Variants in GRM5 observed in about 807,000 individuals in gnomAD.
GRM5 encodes the protein metabotropic glutamate receptor 5.
Under a neutral mutation model 83.1 loss-of-function variants are expected in GRM5, and 19 were observed. The ratio of observed to expected loss-of-function variants is 0.23; its 90% CI spans 0.16 to 0.34. The LOEUF is 0.34. GRM5 is among the 10% of genes least tolerant of loss of function. The pLI is 1.00. For synonymous variants in GRM5, 675 were observed against 633.6 expected, an observed-to-expected ratio of 1.07 and a Z score of -0.98; for missense variants, 1,160 against 1,588.3, an observed-to-expected ratio of 0.73 and a Z score of 4.58.
intron 2 of GRM5, among the ~76,000 whole-genome samples, chr11:89,002,955 T>C (rs1452800389): frequency 1.3e-5 from 2 of 151,732 alleles, no homozygotes; most frequent in South Asian, 2.1e-4. Flanking sequence ...TTAGGGTTCA[T>C]TTACTTTTCT....
intron 3 of GRM5, among the ~76,000 whole-genome samples, chr11:88,757,417 G>A (rs1302886374): frequency 1.3e-5 from 2 of 152,112 alleles, no homozygotes; most frequent in Admixed American, 1.3e-4. Flanking sequence ...TGGAGCCTTT[G>A]TGAACACAGA....
At chr11:88,614,506 A>G (rs942123459) in intron 4 of GRM5, among the ~76,000 whole-genome samples, 1 of 152,160 alleles carries the variant, frequency 6.6e-6, no homozygotes, top group Non-Finnish European at 1.5e-5. Context: ...GTCACTATTT[A>G]GCTTTTTTTT....
intron 2 of GRM5, among the ~76,000 whole-genome samples, chr11:88,975,673 A>C (rs1939311172): frequency 6.6e-6 from 1 of 152,186 alleles, no homozygotes; most frequent in Non-Finnish European, 1.5e-5. Context: ...CTGCCTTTTA[A>C]CATTATCCCC....
chr11:88,714,900 G>A (rs10741502), intron 3 of GRM5, among the ~76,000 whole-genome samples: 148,260 of 152,040 alleles, frequency 0.98, 72,401 homozygotes, highest in East Asian at 1. Flanking sequence ...CCAAAGACCT[G>A]TTTTGGACCC....
chr11:88,960,901 T>C (rs895424393), intron 2 of GRM5, among the ~76,000 whole-genome samples: 21 of 152,244 alleles, frequency 1.4e-4, no homozygotes, highest in African/African-American at 4.3e-4. Flanking sequence ...ATAAAAAATA[T>C]TCTAGATGAA....
At chr11:88,685,013 C>A (rs559882748) in intron 3 of GRM5, among the ~76,000 whole-genome samples, 2 of 152,164 alleles carry the variant, frequency 1.3e-5, no homozygotes, top group African/African-American at 4.8e-5. Context: ...GATACCTGAA[C>A]ATGTGGAAGC....
At chr11:88,714,381 A>C (rs1941353232) in intron 3 of GRM5, among the ~76,000 whole-genome samples, 1 of 152,012 alleles carries the variant, frequency 6.6e-6, no homozygotes, top group African/African-American at 2.4e-5. Context: ...ATCAGCAGAC[A>C]GGCCAGCTGC....
chr11:88,751,089 A>AT (rs1942263554), intron 3 of GRM5, among the ~76,000 whole-genome samples: 1 of 149,024 alleles, frequency 6.7e-6, no homozygotes, highest in Admixed American at 6.8e-5. Flanking sequence ...AAAAAAAAAA[A>AT]AAAAAACAAA....
At chr11:89,057,879 A>T (rs1159973971) in intron 1 of GRM5, among the ~76,000 whole-genome samples, 1 of 152,156 alleles carries the variant, frequency 6.6e-6, no homozygotes, top group Non-Finnish European at 1.5e-5. Flanking sequence ...AATGTATAAT[A>T]ATTATTTAAT....
chr11:88,639,337 T>C (rs1939227212), intron 4 of GRM5, among the ~76,000 whole-genome samples: 1 of 152,192 alleles, frequency 6.6e-6, no homozygotes. Context: ...CTAGCTTTGT[T>C]GACCTCTCTA....
intron 3 of GRM5, among the ~76,000 whole-genome samples, chr11:88,816,783 C>G (rs1397444215): frequency 7.2e-6 from 1 of 138,848 alleles, no homozygotes; most frequent in African/African-American, 2.7e-5. Flanking sequence ...GCACGAATAA[C>G]CAATATGAGT....
chr11:88,653,697 A>G (rs576511189), intron 3 of GRM5, among the ~76,000 whole-genome samples: 28 of 152,222 alleles, frequency 1.8e-4, no homozygotes, highest in African/African-American at 6.7e-4. Context: ...AATATAGTAT[A>G]TACATGGAAG....
chr11:88,730,967 T>G (rs777885878), intron 3 of GRM5, among the ~76,000 whole-genome samples: 8 of 151,556 alleles, frequency 5.3e-5, no homozygotes, highest in Non-Finnish European at 7.4e-5. Flanking sequence ...TGTATACCTA[T>G]GTAACAAACC....
chr11:88,942,144 A>G (rs1389272565), intron 2 of GRM5, among the ~76,000 whole-genome samples: 1 of 152,124 alleles, frequency 6.6e-6, no homozygotes, highest in Non-Finnish European at 1.5e-5. Context: ...GCCTGTGTAT[A>G]ATGATAGTAA....
At chr11:88,776,427 G>GACCATTTACA (rs1942851160) in intron 3 of GRM5, among the ~76,000 whole-genome samples, 1 of 152,138 alleles carries the variant, frequency 6.6e-6, no homozygotes, top group Non-Finnish European at 1.5e-5. Context: ...GGGGCATTTA[G>GACCATTTACA]ACCATTTACA....
At chr11:88,679,099 A>G (rs1462131986) in intron 3 of GRM5, among the ~76,000 whole-genome samples, 2 of 152,200 alleles carry the variant, frequency 1.3e-5, no homozygotes, top group Non-Finnish European at 2.9e-5. Flanking sequence ...ACAACTTTCT[A>G]TATATGTTAC....
chr11:88,771,419 G>T (rs1027585600), intron 3 of GRM5, among the ~76,000 whole-genome samples: 1 of 152,096 alleles, frequency 6.6e-6, no homozygotes, highest in African/African-American at 2.4e-5. Flanking sequence ...AGAGTCCCTA[G>T]CAACCCACTG....
chr11:88,530,875 A>G (rs930170696), intron 8 of GRM5, among the ~76,000 whole-genome samples: 5 of 152,072 alleles, frequency 3.3e-5, no homozygotes, highest in African/African-American at 1.2e-4. Context: ...AGGCTGATCA[A>G]GTTTGAGTAA....
chr11:88,656,150 C>T (rs952677786), intron 3 of GRM5, among the ~76,000 whole-genome samples: 1 of 57,280 alleles, frequency 1.7e-5, no homozygotes, highest in Non-Finnish European at 3.8e-5. Flanking sequence ...TTTTGGGTGA[C>T]ACGTATTTTA....
Sources: allele counts gnomAD v4.1 joint callset (sites outside exome capture counted in the v4.1 genomes callset), GRCh38; gene constraint gnomAD v4.1.1; transcripts MANE v1.5; gene names NCBI Gene and HGNC (gene_info 2026-07-23, HGNC 2026-07-21).